The following AHNAK variants were observed in gnomAD, a reference collection of about 807,000 sequenced individuals.
AHNAK encodes neuroblast differentiation-associated protein AHNAK.
Under a neutral mutation model 37.8 loss-of-function variants are expected in AHNAK, and 23 were observed. The ratio of observed to expected loss-of-function variants is 0.61; its 90% CI spans 0.44 to 0.86. The LOEUF (loss-of-function observed/expected upper bound fraction) is 0.86. Among genes scored for constraint, AHNAK ranks in the 40% least tolerant of loss-of-function variants. The pLI is 0.00. For synonymous variants in AHNAK, 2,481 were observed against 2,636.3 expected, an observed-to-expected ratio of 0.94 and a Z score of 1.80; for missense variants, 7,411 against 7,319.4, an observed-to-expected ratio of 1.01 and a Z score of -0.46.
At chr11:62,506,557 A>AGGAGGCTC (rs1268938556) in intron 4 of AHNAK, among the ~76,000 whole-genome samples, 1 of 152,060 alleles carries the variant, frequency 6.6e-6, no homozygotes, top group Admixed American at 6.5e-5. Context: ...CCCCCCAGAC[A>AGGAGGCTC]GGAGGCTCAG....
At position 62,532,792 on chromosome 11, in the gene AHNAK, T is replaced by C. The variant is rs1332884116; in HGVS notation, c.1625A>G (p.Asp542Gly). 2 of 1,614,104 alleles carry C rather than the reference T, an allele frequency of 1.2e-6. No homozygotes were observed. Among genetic ancestry groups the C allele is most frequent in the Non-Finnish European group, 1.7e-6 (2 of 1,179,992 alleles). ...TCCCTCTAGGTTTGGTGTCTCTATGTCCACTCTGGAGCCTTTAAGTGCCAC... is the reference window on the plus strand; with the variant it reads ...TCCCTCTAGGTTTGGTGTCTCTATGCCCACTCTGGAGCCTTTAAGTGCCAC... ...PQVALKGSRVDIETPNLEGTL... is the reference protein window; with the variant it reads ...PQVALKGSRVGIETPNLEGTL... Residue 542 changes from aspartate (D) to glycine (G), a missense_variant, in exon 5 of 5, where the codon GAC (aspartate) becomes GGC (glycine). By Grantham distance (94) the Asp-to-Gly change is moderately conservative. Transcript: ENST00000378024.
At position 62,520,225 on chromosome 11, in the gene AHNAK, T is replaced by C. The variant is rs1253651989; in HGVS notation, c.14192A>G (p.Lys4731Arg). 1 of 1,612,744 alleles carries C rather than the reference T, an allele frequency of 6.2e-7. No individual in the cohort carries two copies. Among genetic ancestry groups the C allele is most frequent in the African/African-American group, 1.3e-5 (1 of 74,488 alleles). Residue 4731 changes from lysine to arginine, a missense_variant, in exon 5 of 5, where the codon AAA (lysine) becomes AGA (arginine). By Grantham distance (26) the Lys-to-Arg change is conservative. Transcript: ENST00000378024. Reference protein sequence around the residue: ...ISMPDIDLNLKGPKVKGDVDV... With the variant: ...ISMPDIDLNLRGPKVKGDVDV... ...CACATCGCCCTTCACTTTGGGTCCT[T>C]TCAGGTTTAAGTCAATATCAGGCAT... is the stretch of plus-strand genomic sequence containing the variant.
At position 62,531,652 on chromosome 11, in the gene AHNAK, A is replaced by G. The variant is rs765743909; in HGVS notation, c.2765T>C (p.Ile922Thr). The G allele has an allele frequency of 5.7e-5, 92 of 1,613,510 alleles. No individual in the cohort carries two copies. Among genetic ancestry groups the G allele is most frequent in the Non-Finnish European group, 7.7e-5 (91 of 1,179,942 alleles). The part of the protein sequence containing the change: ...KVGVEVPDVN[I>T]EGPEGKLKGP... ...CTTCAGCTTTCCTTCAGGTCCTTCAATATTCACATCTGGAACTTCAACACC... is the reference window on the plus strand; with the variant it reads ...CTTCAGCTTTCCTTCAGGTCCTTCAGTATTCACATCTGGAACTTCAACACC... Residue 922 changes from isoleucine (I) to threonine (T), a missense_variant, in exon 5 of 5, where the codon ATT becomes ACT. Transcript: ENST00000378024.
intron 5 of AHNAK, among the ~76,000 whole-genome samples, chr11:62,474,666 T>A (rs921846479): frequency 1.1e-4 from 17 of 151,902 alleles, no homozygotes; most frequent in Admixed American, 1.1e-3. Flanking sequence ...GAGAGTCACA[T>A]GAGATAAGGA....
chr11:62,539,596 C>T (rs1305265202), intron 1 of AHNAK, among the ~76,000 whole-genome samples: 1 of 152,248 alleles, frequency 6.6e-6, no homozygotes, highest in African/African-American at 2.4e-5. Context: ...GTTGGCTTCC[C>T]TGCCAGGGCC....
Position 62,527,469 on chromosome 11 carries a change from A to G in AHNAK, c.6948T>C (p.Asp2316=). The change falls in exon 5 of 5, where the codon GAT becomes GAC. Residue 2316 remains aspartate (D), a synonymous_variant. Transcript: ENST00000378024. ...TGGGTCCCTTTAAATTGAAATCAAC[A>G]TCAGGCATGGAGATCTTGGGGGTCT... The part of the protein sequence containing the change: ...HFKTPKISMP[D]VDFNLKGPKI... 1.2e-6 allele frequency: 2 copies of G among 1,613,986 alleles called. No individual in the cohort carries two copies. The highest frequency in any genetic ancestry group is 1.7e-6 in the Non-Finnish European group (2 of 1,179,954).
In AHNAK at chr11:62,489,099, G is replaced by C. The variant is rs550573775; in HGVS notation, c.442+2633C>G. Among the ~76,000 whole-genome samples, 108 of 152,144 alleles carry C rather than the reference G, an allele frequency of 7.1e-4. 1 individual carries two copies. The highest frequency in any genetic ancestry group is 1.1e-3 in the Non-Finnish European group (75 of 68,000). On this transcript the variant is annotated intron_variant, in intron 5 of 5. Transcript: ENST00000257247. ...ACTAAAAATACAAAAAAATTAGCTG[G>C]ACATTGTGGTGCATGCCTGTAATCC...
intron 4 of AHNAK, among the ~76,000 whole-genome samples, chr11:62,508,573 G>C (rs150387079): frequency 6.6e-6 from 1 of 152,216 alleles, no homozygotes. Flanking sequence ...AGCCTCAAGC[G>C]TGTGGTGGAA....
chr11:62,479,386 C>G (rs1462727316), intron 5 of AHNAK, among the ~76,000 whole-genome samples: 5 of 151,670 alleles, frequency 3.3e-5, no homozygotes, highest in Admixed American at 2.0e-4. Flanking sequence ...AGGCTGATCT[C>G]GAACTCCTGA....
intron 5 of AHNAK, among the ~76,000 whole-genome samples, chr11:62,470,702 A>G (rs1939018114): frequency 6.6e-6 from 1 of 152,162 alleles, no homozygotes; most frequent in Non-Finnish European, 1.5e-5. Context: ...CTGATTAAAG[A>G]GTCCGACAGT....
intron 5 of AHNAK, among the ~76,000 whole-genome samples, chr11:62,459,121 C>A (rs1291120781): frequency 1.3e-5 from 2 of 152,130 alleles, no homozygotes; most frequent in South Asian, 2.1e-4. Flanking sequence ...GGGCAAGGAG[C>A]AGGGGTTCCC....
chr11:62,514,551 A>G (rs1007745004), downstream of AHNAK, among the ~76,000 whole-genome samples: 1 of 152,152 alleles, frequency 6.6e-6, no homozygotes, highest in Non-Finnish European at 1.5e-5. Flanking sequence ...TGTGCTCTCC[A>G]TAAGTATGTA....
chr11:62,519,533 C>T lies in AHNAK; in HGVS notation c.14884G>A (p.Asp4962Asn). 6.2e-7 allele frequency: 1 copy of T among 1,612,632 alleles called. No homozygotes were observed. The highest frequency in any genetic ancestry group is 8.5e-7 in the Non-Finnish European group (1 of 1,179,444). Reference protein sequence around the residue: ...PSLDVHMDSPDINIEGPDVKI... With the variant: ...PSLDVHMDSPNINIEGPDVKI... ...ACATCTGGCCCTTCGATGTTAATATCTGGGCTGTCCATGTGTACATCTAAG... is the reference window on the plus strand; with the variant it reads ...ACATCTGGCCCTTCGATGTTAATATTTGGGCTGTCCATGTGTACATCTAAG... The change falls in exon 5 of 5, where the codon GAT becomes AAT. Residue 4962 changes from aspartate (D) to asparagine (N), a missense_variant. By Grantham distance (23) the Asp-to-Asn change is conservative. Coordinates refer to ENST00000378024, the MANE Select transcript of AHNAK (RefSeq NM_001620.3).
In AHNAK at chr11:62,527,816, C is replaced by A; in HGVS notation, c.6601G>T (p.Asp2201Tyr). 1.2e-6 allele frequency: 2 copies of A among 1,613,558 alleles called. No individual in the cohort carries two copies. The highest frequency in any genetic ancestry group is 1.6e-4 in the Middle Eastern group (1 of 6,062). ...LNLKGPKVKGDMDVSVPKVEG... is the reference protein window; with the variant it reads ...LNLKGPKVKGYMDVSVPKVEG... ...ACCTTGGGAACAGACACATCCATATCCCCTTTGACTTTGGGGCCTTTCAAG... is the reference window on the plus strand; with the variant it reads ...ACCTTGGGAACAGACACATCCATATACCCTTTGACTTTGGGGCCTTTCAAG... The change falls in exon 5 of 5, where the codon GAT becomes TAT. Residue 2201 changes from aspartate to tyrosine, a missense_variant. By Grantham distance (160) the Asp-to-Tyr change is radical. Coordinates refer to ENST00000378024, the MANE Select transcript of AHNAK (RefSeq NM_001620.3).
At chr11:62,500,351 C>A (rs756730347) in intron 4 of AHNAK, among the ~76,000 whole-genome samples, 2 of 152,170 alleles carry the variant, frequency 1.3e-5, no homozygotes, top group Admixed American at 6.5e-5. Flanking sequence ...TATAAAGGTA[C>A]CTGGCTGCCC....
At chr11:62,438,968 G>A (rs964885169) in intron 5 of AHNAK, among the ~76,000 whole-genome samples, 8 of 152,026 alleles carry the variant, frequency 5.3e-5, no homozygotes, top group African/African-American at 1.9e-4. Context: ...GCATCAACAG[G>A]TACCACTGCT....
chr11:62,520,578 A>G lies in AHNAK; in HGVS notation c.13839T>C (p.Ile4613=). The change falls in exon 5 of 5, where the codon ATT becomes ATC. Residue 4613 remains isoleucine (I), a synonymous_variant. Transcript: ENST00000378024. ...GGTCGCCTTCCACTTTGGGCAGAGA[A>G]ATGTCCATGTCGCCCTTCACCTTTG... ...KGPKVKGDMD[I]SLPKVEGDLK... 6.2e-7 allele frequency: 1 copy of G among 1,613,744 alleles called. No homozygotes were observed. The highest frequency in any genetic ancestry group is 2.2e-5 in the East Asian group (1 of 44,828).
In AHNAK at chr11:62,531,579, G is replaced by A; in HGVS notation, c.2838C>T (p.Ile946=). 1 of 1,614,102 alleles carries A rather than the reference G, an allele frequency of 6.2e-7. No individual in the cohort carries two copies. ...TATGCAAGTCCACATCAGGCATGGA[G>A]ATCTTGGGGGCCTTGATATTCATCT... The part of the protein sequence containing the change: ...MPEMNIKAPK[I]SMPDVDLHMK... The change falls in exon 5 of 5, where the codon ATC becomes ATT. Residue 946 remains isoleucine, a synonymous_variant. Transcript: ENST00000378024.
chr11:62,534,027 C>T lies in AHNAK; in HGVS notation c.390G>A (p.Lys130=), dbSNP rs1461162714. ...CTCCATCTTCCGACTTCAGCCGTGG[C>T]TTGATCTTCGTGGTGTAGATGCGCT... ...EYQRIYTTKI[K]PRLKSEDGVE... Residue 130 remains lysine (K), a synonymous_variant, in exon 5 of 5, where the codon AAG becomes AAA. Coordinates refer to ENST00000378024, the MANE Select transcript of AHNAK (RefSeq NM_001620.3). 2.5e-6 allele frequency: 4 copies of T among 1,578,698 alleles called. No individual in the cohort carries two copies. Among genetic ancestry groups the T allele is most frequent in the Non-Finnish European group, 3.4e-6 (4 of 1,161,026 alleles).
Sources: allele counts gnomAD v4.1 joint callset (sites outside exome capture counted in the v4.1 genomes callset), GRCh38; gene constraint gnomAD v4.1.1; transcripts MANE v1.5; gene names NCBI Gene and HGNC (gene_info 2026-07-23, HGNC 2026-07-21).